The following MMAB variants were observed in gnomAD, a reference collection of about 807,000 sequenced individuals.
MMAB encodes the protein corrinoid adenosyltransferase MMAB.
A neutral mutation model predicts 30.6 loss-of-function variants in MMAB; 17 were observed. That is an observed-to-expected ratio of 0.56 (90% CI 0.38 to 0.83). MMAB has a LOEUF of 0.83. MMAB is among the 40% of genes least tolerant of loss of function. The probability of loss-of-function intolerance (pLI) is 0.00; values close to 1 mark genes in which losing one functional copy is unlikely to be tolerated. For missense variants in MMAB, 311 were observed against 331.6 expected (o/e 0.94, Z 0.48); for synonymous variants, 134 against 138.6 (o/e 0.97, Z 0.23).
intron 7 of MMAB, among the ~76,000 whole-genome samples, chr12:109,559,985 G>A (rs529834587): frequency 1.1e-3 from 171 of 152,358 alleles, no homozygotes; most frequent in Middle Eastern, 6.8e-3. Flanking sequence ...CCATGGCTGC[G>A]TAACTCTCTG....
chr12:109,568,962 CTT>C (rs928506517), intron 2 of MMAB, 99 bp from the exon 3 acceptor site: 1 of 905,164 alleles, frequency 1.1e-6, no homozygotes, highest in African/African-American at 1.7e-5. Flanking sequence ...AGAACTTTCT[CTT>C]TTTTGAACAG....
In MMAB at chr12:109,568,673, C is replaced by T. The variant is rs530178672; in HGVS notation, c.290+97G>A. ...AAGTTCAATAAGGGCTGACAACCTCCGAGGCTGCTGCCCAGCATGCGTGAG... is the reference window on the plus strand; with the variant it reads ...AAGTTCAATAAGGGCTGACAACCTCTGAGGCTGCTGCCCAGCATGCGTGAG... On this transcript the variant is annotated intron_variant, in intron 3 of 8. Transcript: ENST00000545712. 7.5e-5 allele frequency: 74 copies of T among 983,148 alleles called. 1 individual carries two copies. The highest frequency in any genetic ancestry group is 4.1e-4 in the Admixed American group (24 of 59,004). The allele number at this position is 983,148 out of a possible 1,614,324, so 60.9% of individuals were successfully genotyped here. A position where few individuals can be genotyped will look rare whatever the true frequency, so the allele number is the denominator to read the frequency against.
In MMAB at chr12:109,561,730, G is replaced by A; in HGVS notation, c.421+50C>T. On this transcript the variant is annotated intron_variant, in intron 5 of 8. Coordinates refer to ENST00000545712, the MANE Select transcript of MMAB (RefSeq NM_052845.4). The surrounding 1 kb of genome is among the most constrained non-coding windows in gnomAD (Gnocchi z 5.3). ...GATCCCAGATGGTGACCCTAGGAGA[G>A]TCCCCTGACCCTAGGGCCCTCTGAA... 2 of 1,515,606 alleles carry A rather than the reference G, an allele frequency of 1.3e-6. No homozygotes were observed. The highest frequency in any genetic ancestry group is 1.7e-4 in the Middle Eastern group (1 of 5,902). The allele number at this position is 1,515,606 out of a possible 1,614,324, so 93.9% of individuals were successfully genotyped here.
chr12:109,566,658 A>G (rs945092892), intron 3 of MMAB, among the ~76,000 whole-genome samples: 1 of 152,172 alleles, frequency 6.6e-6, no homozygotes, highest in Non-Finnish European at 1.5e-5. Flanking sequence ...CAGCTCAGGA[A>G]GGTGGGGCTG....
In MMAB at chr12:109,573,244, C is replaced by A; in HGVS notation, c.134+103G>T. 1.5e-5 allele frequency: 23 copies of A among 1,512,478 alleles called. No homozygotes were observed. The South Asian group carries it at 2.6e-4, about 17-fold the overall frequency. The allele number at this position is 1,512,478 out of a possible 1,614,324, so 93.7% of individuals were successfully genotyped here. A position where few individuals can be genotyped will look rare whatever the true frequency, so the allele number is the denominator to read the frequency against. On this transcript the variant is annotated intron_variant, in intron 1 of 8. Coordinates refer to ENST00000545712, the MANE Select transcript of MMAB (RefSeq NM_052845.4). ...CGTCAGAACAGCGTGGAGACGTCAC[C>A]TGACGGTTGCCGCGGTGACCTCACG... is the stretch of plus-strand genomic sequence containing the variant.
Position 109,572,645 on chromosome 12 carries a change from T to C in MMAB, c.134+702A>G, listed in dbSNP as rs535328324. On this transcript the variant is annotated intron_variant, in intron 1 of 8. Coordinates refer to ENST00000545712, the MANE Select transcript of MMAB (RefSeq NM_052845.4). ...ATCATAGCTCACTGCAGCCTTGAAC[T>C]CCTGAGCTCAAGTGATCCTCTGCCT... 3.3e-5 allele frequency among the ~76,000 whole-genome samples: 5 copies of C among 151,976 alleles called. No individual in the cohort carries two copies. In the South Asian group the frequency reaches 1.0e-3, roughly 32 times the overall value.
intron 4 of MMAB, among the ~76,000 whole-genome samples, chr12:109,563,369 G>A (rs577418777): frequency 6.6e-6 from 1 of 152,330 alleles, no homozygotes; most frequent in South Asian, 2.1e-4. Context: ...GTCTGTGAGG[G>A]TGAAATGGGT....
intron 3 of MMAB, chr12:109,567,172 G>GAAAA: frequency 1.9e-5 from 6 of 318,902 alleles, no homozygotes; most frequent in South Asian, 4.9e-5. Context: ...CTCCGTCTCG[G>GAAAA]AAAAAAAAAA....
intron 3 of MMAB, chr12:109,566,885 T>C: frequency 2.3e-6 from 1 of 435,220 alleles, no homozygotes; most frequent in South Asian, 1.6e-5. Context: ...TTTCTCCCTT[T>C]GCCCACTTGG....
intron 2 of MMAB, among the ~76,000 whole-genome samples, chr12:109,570,515 C>T (rs560779819): frequency 2.0e-5 from 3 of 152,146 alleles, no homozygotes; most frequent in Non-Finnish European, 4.4e-5. Context: ...TTTTACTATA[C>T]AAGTATATAT....
At chr12:109,571,457 G>A (rs1421845761) in intron 2 of MMAB, among the ~76,000 whole-genome samples, 192 bp downstream of exon 2, 1 of 152,110 alleles carries the variant, frequency 6.6e-6, no homozygotes. Flanking sequence ...TCACCACATT[G>A]GCCAGGCTAG....
At chr12:109,565,630 C>T (rs1187291892) in intron 3 of MMAB, among the ~76,000 whole-genome samples, 2 of 152,340 alleles carry the variant, frequency 1.3e-5, no homozygotes, top group East Asian at 1.9e-4. Context: ...GCAAAGCTTA[C>T]ACCTTCATGT....
rs562420933 is a variant in MMAB at position 109,556,474 on chromosome 12, C to A, written c.*554G>T. 1 of 453,966 alleles carries A rather than the reference C, an allele frequency of 2.2e-6. No homozygotes were observed. Among genetic ancestry groups the A allele is most frequent in the Non-Finnish European group, 4.4e-6 (1 of 226,790 alleles). 28.1% of individuals were successfully genotyped at this position (453,966 alleles called of 1,614,324 possible). ...CAGCTATCCTTCCCCCACACTTTGG[C>A]GGTGATGGGTGGCTCAGAGGTGACT... On this transcript the variant is annotated 3_prime_UTR_variant, in exon 9 of 9. Coordinates refer to ENST00000545712, the MANE Select transcript of MMAB (RefSeq NM_052845.4).
rs552636853 is a variant in MMAB at position 109,553,897 on chromosome 12, G to T, written c.*3131C>A. ...GACATTGCCACTGACGGGGGCTTCC[G>T]AACTGGGGACGTTTGTCATTGGGAT... On this transcript the variant is annotated 3_prime_UTR_variant, in exon 9 of 9. Transcript: ENST00000545712. 1.5e-5 allele frequency: 7 copies of T among 454,072 alleles called. No homozygotes were observed. Among genetic ancestry groups the T allele is most frequent in the Admixed American group, 7.0e-5 (3 of 42,574 alleles). The allele number at this position is 454,072 out of a possible 1,614,324, so 28.1% of individuals were successfully genotyped here. A position where few individuals can be genotyped will look rare whatever the true frequency, so the allele number is the denominator to read the frequency against.
In MMAB at chr12:109,571,819, AC is replaced by A. The variant is rs1358105948; in HGVS notation, c.135-110del. 23 of 836,926 alleles carry A rather than the reference AC, an allele frequency of 2.7e-5. No individual in the cohort carries two copies. In the South Asian group the frequency reaches 3.0e-4, roughly 11 times the overall value. 51.8% of individuals were successfully genotyped at this position (836,926 alleles called of 1,614,324 possible). ...GCTTGTAACCTCAGAGGCAGCACTT[AC>A]CCCTTACTGCTTAGATGGTCATCTC... On this transcript the variant is annotated intron_variant, in intron 1 of 8. Transcript: ENST00000545712.
rs1377045132 is a variant in MMAB, at chr12:109,569,240, C to T, written c.197-377G>A. On this transcript the variant is annotated intron_variant, in intron 2 of 8. Coordinates refer to ENST00000545712, the MANE Select transcript of MMAB (RefSeq NM_052845.4). This position sits in a 1 kb window ranked among gnomAD's most constrained non-coding sequence, Gnocchi z 4.1. ...GAGATTACAGGCATGAGCCACCGTA[C>T]CACCCCTTAAAGAACTTTCAACTTG... Among the ~76,000 whole-genome samples the T allele has an allele frequency of 6.6e-6, 1 of 152,206 alleles. No homozygotes were observed. The highest frequency in any genetic ancestry group is 1.5e-5 in the Non-Finnish European group (1 of 68,032).
intron 4 of MMAB, among the ~76,000 whole-genome samples, chr12:109,564,656 T>G (rs1310266798): frequency 6.6e-6 from 1 of 151,146 alleles, no homozygotes; most frequent in Non-Finnish European, 1.5e-5. Context: ...CCGCCCAAAG[T>G]GCTGGGATTA....
chr12:109,565,212 G>A (rs1183934794), intron 3 of MMAB, 36 bp from the exon 4 acceptor site: 32 of 1,527,184 alleles, frequency 2.1e-5, no homozygotes, highest in Middle Eastern at 1.7e-4. Context: ...TGCCTGTAAT[G>A]TAATGTCCCT....
At chr12:109,570,170 T>C in intron 2 of MMAB, 4 of 234,378 alleles carry the variant, frequency 1.7e-5, no homozygotes, top group South Asian at 1.4e-4. Flanking sequence ...GGCTGAGGCA[T>C]AAGAATTGCT....
Sources: gnomAD v4.1 joint callset for allele counts (sites outside exome capture counted in the v4.1 genomes callset) on GRCh38, gnomAD v4.1.1 for gene constraint, Gnocchi (gnomAD v3.1) non-coding constraint, MANE v1.5 for transcripts, NCBI Gene and HGNC (gene_info 2026-07-23, HGNC 2026-07-21) for gene names.